The following CWC27 variants were observed in gnomAD, a reference collection of about 807,000 sequenced individuals.
CWC27 encodes spliceosome-associated protein CWC27 homolog.
In CWC27, 47 loss-of-function variants were observed where a neutral mutation model predicts 63.6. The ratio of observed to expected loss-of-function variants is 0.74; its 90% CI spans 0.58 to 0.94. CWC27 has a LOEUF of 0.94. CWC27 is among the 40% of genes least tolerant of loss of function. The pLI is 0.00. For synonymous variants in CWC27, 175 were observed against 179.8 expected, an observed-to-expected ratio of 0.97 and a Z score of 0.22; for missense variants, 495 against 554.3, an observed-to-expected ratio of 0.89 and a Z score of 1.07.
chr5:64,977,931 C>A (rs375346422), intron 13 of CWC27, among the ~76,000 whole-genome samples: 1 of 152,184 alleles, frequency 6.6e-6, no homozygotes, highest in Non-Finnish European at 1.5e-5. Flanking sequence ...TCCCACTACA[C>A]CCTGGCTCAG....
intron 10 of CWC27, among the ~76,000 whole-genome samples, chr5:64,831,961 T>C (rs1159738): frequency 0.35 from 53,465 of 151,692 alleles, 9,875 homozygotes; most frequent in East Asian, 0.51. Context: ...TACATAGATA[T>C]ATAATGTGAG....
chr5:64,836,331 G>A (rs1745656412), intron 10 of CWC27, among the ~76,000 whole-genome samples: 3 of 151,936 alleles, frequency 2.0e-5, no homozygotes, highest in Admixed American at 6.6e-5. Flanking sequence ...TCTCAAGGCA[G>A]TCAGGCACAA....
Position 64,927,720 on chromosome 5 carries a change from GT to G in CWC27, c.1042+42175del, listed in dbSNP as rs1748146627. Among the ~76,000 whole-genome samples, 4 of 152,168 alleles carry G rather than the reference GT, an allele frequency of 2.6e-5. No individual in the cohort carries two copies. The South Asian group carries it at 8.3e-4, about 32-fold the overall frequency. On this transcript the variant is annotated intron_variant, in intron 11 of 13. Coordinates refer to ENST00000381070, the MANE Select transcript of CWC27 (RefSeq NM_005869.4). Reference sequence around the variant, plus strand: ...AAAGAATTTTTTTATCCTTGTGTCTGTGTGCTCCCTTGCAAACTCTGCCTTC... The same window carrying G: ...AAAGAATTTTTTTATCCTTGTGTCTGGTGCTCCCTTGCAAACTCTGCCTTC...
intron 10 of CWC27, among the ~76,000 whole-genome samples, chr5:64,815,336 G>A (rs1744996190): frequency 6.6e-6 from 1 of 152,164 alleles, no homozygotes; most frequent in African/African-American, 2.4e-5. Context: ...TGAAGGAACA[G>A]CTCCTCTCTG....
Position 64,897,178 on chromosome 5 carries a change from G to A in CWC27, c.1042+11632G>A, listed in dbSNP as rs115901809. On this transcript the variant is annotated intron_variant, in intron 11 of 13. Transcript: ENST00000381070. ...GAGCCAAGATTGCTCCAGCCTAGGT[G>A]ACAGAGTGAGAATCTAGAAGTAGAA... is the stretch of plus-strand genomic sequence containing the variant. Among the ~76,000 whole-genome samples, 982 of 152,228 alleles carry A rather than the reference G, an allele frequency of 6.5e-3. 12 individuals carry two copies. Among genetic ancestry groups the A allele is most frequent in the African/African-American group, 0.02 (813 of 41,560 alleles).
chr5:64,789,306 C>T lies in CWC27; in HGVS notation c.669+286C>T, dbSNP rs552307976. ...ATTCAGATCCTAACTGCTATTTTTTCAGGTAGTATGTTAGATGATAATGAT... is the reference window on the plus strand; with the variant it reads ...ATTCAGATCCTAACTGCTATTTTTTTAGGTAGTATGTTAGATGATAATGAT... On this transcript the variant is annotated intron_variant, in intron 7 of 13. Coordinates refer to ENST00000381070, the MANE Select transcript of CWC27 (RefSeq NM_005869.4). Among the ~76,000 whole-genome samples, 101 of 152,044 alleles carry T rather than the reference C, an allele frequency of 6.6e-4. 2 individuals are homozygous for T. Among genetic ancestry groups the T allele is most frequent in the African/African-American group, 2.4e-3 (99 of 41,512 alleles).
intron 13 of CWC27, among the ~76,000 whole-genome samples, chr5:64,984,570 T>A (rs1485796696): frequency 6.6e-6 from 1 of 152,234 alleles, no homozygotes; most frequent in African/African-American, 2.4e-5. Context: ...TTTTAATCTG[T>A]CCCGTACTTG....
intron 10 of CWC27, among the ~76,000 whole-genome samples, chr5:64,869,662 C>G (rs1746615878): frequency 6.6e-6 from 1 of 152,044 alleles, no homozygotes; most frequent in South Asian, 2.1e-4. Context: ...GTTTCAGAGG[C>G]AGAGAATGTG....
At chr5:64,808,408 A>G in intron 10 of CWC27, 1 of 900,112 alleles carries the variant, frequency 1.1e-6, no homozygotes, top group Non-Finnish European at 1.3e-6. Context: ...GGTTACATAT[A>G]CATTTTTTCT....
intron 3 of CWC27, 78 bp downstream of exon 3, chr5:64,782,111 A>G: frequency 1.4e-6 from 1 of 731,648 alleles, no homozygotes; most frequent in Non-Finnish European, 2.2e-6. Flanking sequence ...GCTTAATCGA[A>G]AATGATTGTG....
At chr5:64,961,600 G>C (rs1748913386) in intron 11 of CWC27, among the ~76,000 whole-genome samples, 1 of 151,908 alleles carries the variant, frequency 6.6e-6, no homozygotes. Flanking sequence ...TTAATTTCTG[G>C]AATGAAAAGC....
At chr5:64,873,564 G>T (rs766682597) in intron 10 of CWC27, among the ~76,000 whole-genome samples, 3 of 151,814 alleles carry the variant, frequency 2.0e-5, no homozygotes, top group South Asian at 2.1e-4. Context: ...TGAATTCTTT[G>T]TATTTTCTGG....
chr5:65,000,069 G>T (rs867214412), intron 13 of CWC27, among the ~76,000 whole-genome samples: 1 of 151,934 alleles, frequency 6.6e-6, no homozygotes, highest in Non-Finnish European at 1.5e-5. Flanking sequence ...GCTTTGATTC[G>T]CAGGTCCCTA....
chr5:64,838,218 C>T (rs866365295), intron 10 of CWC27, among the ~76,000 whole-genome samples: 1 of 152,102 alleles, frequency 6.6e-6, no homozygotes, highest in African/African-American at 2.4e-5. Flanking sequence ...TACATATGTA[C>T]ATTCACATGT....
At chr5:64,985,365 A>G (rs974304400) in intron 13 of CWC27, among the ~76,000 whole-genome samples, 1 of 152,140 alleles carries the variant, frequency 6.6e-6, no homozygotes, top group Admixed American at 6.5e-5. Flanking sequence ...TCTGAGGAGA[A>G]TTGACATCTT....
At chr5:64,908,612 G>T (rs909347122) in intron 11 of CWC27, among the ~76,000 whole-genome samples, 1 of 152,152 alleles carries the variant, frequency 6.6e-6, no homozygotes, top group South Asian at 2.1e-4. Flanking sequence ...TCCTCTTATT[G>T]AATTGATCCC....
chr5:64,976,727 T>TCTCA (rs1380506250), intron 12 of CWC27, among the ~76,000 whole-genome samples: 4 of 151,902 alleles, frequency 2.6e-5, no homozygotes, highest in Non-Finnish European at 5.9e-5. Flanking sequence ...AGTGATAGAG[T>TCTCA]CTCACTACAT....
intron 13 of CWC27, among the ~76,000 whole-genome samples, chr5:64,992,912 C>G (rs1430906256): frequency 6.6e-6 from 1 of 152,054 alleles, no homozygotes; most frequent in African/African-American, 2.4e-5. Flanking sequence ...AATAATCATT[C>G]TTTTGCTCCA....
intron 9 of CWC27, among the ~76,000 whole-genome samples, chr5:64,803,366 A>G (rs1380900850): frequency 6.6e-6 from 1 of 152,192 alleles, no homozygotes; most frequent in Non-Finnish European, 1.5e-5. Flanking sequence ...AGTTGAAGAT[A>G]CAGCAGTAAG....
Sources: allele counts gnomAD v4.1 joint callset (sites outside exome capture counted in the v4.1 genomes callset), GRCh38; gene constraint gnomAD v4.1.1; transcripts MANE v1.5; gene names NCBI Gene and HGNC (gene_info 2026-07-23, HGNC 2026-07-21).